The following CNTN5 variants were observed in gnomAD, a reference collection of about 807,000 sequenced individuals.
The protein encoded by CNTN5 is contactin-5.
Under a neutral mutation model 129.1 loss-of-function variants are expected in CNTN5, and 77 were observed. The ratio of observed to expected loss-of-function variants is 0.60; its 90% confidence interval spans 0.50 to 0.72. CNTN5 has a LOEUF of 0.72. Among genes scored for constraint, CNTN5 ranks in the 30% least tolerant of loss-of-function variants. The probability of loss-of-function intolerance (pLI) is 0.00; values close to 1 mark genes in which losing one functional copy is unlikely to be tolerated. For missense variants in CNTN5, 1,478 were observed against 1,328.8 expected (o/e 1.11, Z -1.75); for synonymous variants, 509 against 465.6 (o/e 1.09, Z -1.20).
chr11:99,382,875 T>TTTTTTTTTTTTTTTTTTTTTTTG, intron 2 of CNTN5, among the ~76,000 whole-genome samples: 1 of 142,552 alleles, frequency 7.0e-6, no homozygotes, highest in African/African-American at 2.6e-5. Flanking sequence ...TTTTTTTTTT[T>TTTTTTTTTTTTTTTTTTTTTTTG]AGACAGAGTC....
At chr11:99,255,051 A>G (rs901927576) in intron 1 of CNTN5, among the ~76,000 whole-genome samples, 32 of 152,104 alleles carry the variant, frequency 2.1e-4, no homozygotes, top group Admixed American at 9.8e-4. Flanking sequence ...AGAACAAAAT[A>G]GAAAGGGGTA....
intron 6 of CNTN5, among the ~76,000 whole-genome samples, chr11:99,846,583 A>G (rs894613251): frequency 2.6e-5 from 4 of 152,030 alleles, no homozygotes; most frequent in African/African-American, 7.2e-5. Flanking sequence ...GAATCTTTAT[A>G]TTAATAATTA....
In CNTN5 at chr11:100,194,579, A is replaced by G. The variant is rs1453279436; in HGVS notation, c.1884+916A>G. Reference sequence around the variant, plus strand: ...TTAAACTCAGTGTCAATTGGATTTTATTTTAAAGGTTATGGGATACAAGGA... The same window carrying G: ...TTAAACTCAGTGTCAATTGGATTTTGTTTTAAAGGTTATGGGATACAAGGA... On this transcript the variant is annotated intron_variant, in intron 15 of 24. Transcript: ENST00000524871. 2.7e-5 allele frequency among the ~76,000 whole-genome samples: 4 copies of G among 150,172 alleles called. No homozygotes were observed. The Admixed American group carries it at 2.7e-4, about 10-fold the overall frequency.
intron 1 of CNTN5, among the ~76,000 whole-genome samples, chr11:99,307,226 G>A (rs555201179): frequency 6.6e-6 from 1 of 152,266 alleles, no homozygotes; most frequent in Admixed American, 6.5e-5. Context: ...TCCAGCACTA[G>A]AACTAAGGAT....
At chr11:100,328,141 A>G (rs1490946917) in intron 21 of CNTN5, among the ~76,000 whole-genome samples, 1 of 152,126 alleles carries the variant, frequency 6.6e-6, no homozygotes, top group Non-Finnish European at 1.5e-5. Context: ...GTTTAAGGCC[A>G]GGAGTCCTAG....
chr11:100,265,569 G>T (rs1053180900), intron 17 of CNTN5, among the ~76,000 whole-genome samples: 12 of 152,034 alleles, frequency 7.9e-5, no homozygotes, highest in African/African-American at 2.9e-4. Flanking sequence ...TGAATCTGGA[G>T]TTTAAACTCG....
chr11:99,354,563 A>T (rs1045866300), intron 2 of CNTN5, among the ~76,000 whole-genome samples: 18 of 152,152 alleles, frequency 1.2e-4, no homozygotes, highest in African/African-American at 4.3e-4. Context: ...AGCAAAGGGG[A>T]GACATCAGCG....
intron 20 of CNTN5, among the ~76,000 whole-genome samples, chr11:100,304,111 G>C (rs1951291700): frequency 6.6e-6 from 1 of 151,556 alleles, no homozygotes; most frequent in African/African-American, 2.4e-5. Flanking sequence ...TAATACAAAT[G>C]TATCATCGAA....
chr11:100,041,772 A>C (rs896498627), intron 9 of CNTN5, among the ~76,000 whole-genome samples: 6 of 152,226 alleles, frequency 3.9e-5, no homozygotes, highest in Non-Finnish European at 7.3e-5. Flanking sequence ...CATAAAGGCC[A>C]TATCAGATCA....
At chr11:99,744,875 G>A (rs1039836547) in intron 3 of CNTN5, among the ~76,000 whole-genome samples, 1 of 151,556 alleles carries the variant, frequency 6.6e-6, no homozygotes, top group African/African-American at 2.4e-5. Flanking sequence ...TGGCTTATCT[G>A]CCAATGCCAT....
At chr11:100,156,127 A>C (rs1282754361) in intron 13 of CNTN5, among the ~76,000 whole-genome samples, 1 of 152,140 alleles carries the variant, frequency 6.6e-6, no homozygotes, top group Admixed American at 6.6e-5. Context: ...TCAGTATGAT[A>C]CTGGCTATGG....
chr11:100,050,597 C>T (rs547234682), intron 9 of CNTN5, among the ~76,000 whole-genome samples: 1 of 151,278 alleles, frequency 6.6e-6, no homozygotes, highest in East Asian at 1.9e-4. Context: ...GCACATTGTG[C>T]ACTTGTACCC....
chr11:99,774,593 C>T (rs2585868), intron 3 of CNTN5, among the ~76,000 whole-genome samples: 37,095 of 151,768 alleles, frequency 0.24, 5,039 homozygotes, highest in Non-Finnish European at 0.32. Flanking sequence ...CTCCAACTGT[C>T]TTCCAAGGGC....
At chr11:99,681,571 G>A (rs1260479575) in intron 3 of CNTN5, among the ~76,000 whole-genome samples, 2 of 151,988 alleles carry the variant, frequency 1.3e-5, no homozygotes, top group African/African-American at 4.8e-5. Context: ...TTTTTTAGAT[G>A]AATGCTACTG....
intron 2 of CNTN5, among the ~76,000 whole-genome samples, chr11:99,506,106 C>G (rs573889083): frequency 6.6e-6 from 1 of 152,282 alleles, no homozygotes; most frequent in South Asian, 2.1e-4. Context: ...TTTTTGACAG[C>G]TTTAACATTT....
intron 1 of CNTN5, among the ~76,000 whole-genome samples, chr11:99,299,698 C>G (rs926864132): frequency 1.3e-5 from 2 of 152,094 alleles, no homozygotes; most frequent in African/African-American, 4.8e-5. Flanking sequence ...GTCCCCAACT[C>G]AATCCATGTT....
intron 13 of CNTN5, among the ~76,000 whole-genome samples, chr11:100,150,615 ATTT>A (rs1947023297): frequency 6.6e-6 from 1 of 151,754 alleles, no homozygotes; most frequent in Non-Finnish European, 1.5e-5. Context: ...TGGATTACAA[ATTT>A]TTACGGTCAG....
intron 2 of CNTN5, among the ~76,000 whole-genome samples, chr11:99,413,301 AAC>A (rs1343106982): frequency 3.3e-5 from 5 of 152,220 alleles, no homozygotes; most frequent in African/African-American, 1.2e-4. Context: ...ATGGGCAACT[AAC>A]AGTGTGACAA....
chr11:99,582,409 C>A (rs1591313895), intron 3 of CNTN5, among the ~76,000 whole-genome samples: 1 of 152,176 alleles, frequency 6.6e-6, no homozygotes, highest in Non-Finnish European at 1.5e-5. Context: ...TGGATAATAT[C>A]CTGCAGAGTG....
Sources: gnomAD v4.1 joint callset for allele counts (sites outside exome capture counted in the v4.1 genomes callset) on GRCh38, gnomAD v4.1.1 for gene constraint, MANE v1.5 for transcripts, NCBI Gene and HGNC (gene_info 2026-07-23, HGNC 2026-07-21) for gene names.